Variants in CETP observed in about 807,000 individuals in gnomAD.
CETP encodes the protein BPI fold containing family F.
CETP carries 56 observed loss-of-function variants against 66.5 expected under a neutral mutation model. The observed-to-expected ratio is 0.84, with a 90% confidence interval of 0.68 to 1.05. The LOEUF (loss-of-function observed/expected upper bound fraction) is 1.05, where lower values mean the gene tolerates loss of function less well. Among genes scored for constraint, CETP ranks in the 50% least tolerant of loss-of-function variants. CETP has a pLI of 0.00. For synonymous variants in CETP, 251 were observed against 245.7 expected, an observed-to-expected ratio of 1.02 and a Z score of -0.20; for missense variants, 612 against 609.6, an observed-to-expected ratio of 1.00 and a Z score of -0.04.
intron 1 of CETP, chr16:56,962,424 A>G (rs1423947418): frequency 3.4e-6 from 2 of 595,970 alleles, no homozygotes; most frequent in Non-Finnish European, 6.4e-6. Context: ...GTCAGGGGGT[A>G]AAGATTAGGA....
At position 56,982,340 on chromosome 16, in the gene CETP, AGTCATTGATACTTAGCG is replaced by A. The variant is rs1271389944; in HGVS notation, c.1321+107_1321+123del. The A allele has an allele frequency of 2.5e-5, 28 of 1,103,742 alleles. 1 individual carries two copies. Among genetic ancestry groups the A allele is most frequent in the Admixed American group, 2.1e-4 (12 of 57,836 alleles). The allele number at this position is 1,103,742 out of a possible 1,614,324, so 68.4% of individuals were successfully genotyped here. ...CAGAGCTTCAGGTGCCCCTCTTCCCAGTCATTGATACTTAGCGGTCCTGGCCCCCTTTCCTCTCCCTG... is the reference window on the plus strand; with the variant it reads ...CAGAGCTTCAGGTGCCCCTCTTCCCAGTCCTGGCCCCCTTTCCTCTCCCTG... On this transcript the variant is annotated intron_variant, in intron 14 of 15. Transcript: ENST00000200676.
chr16:56,969,530 C>T lies in CETP; in HGVS notation c.368+10C>T. On this transcript the variant is annotated intron_variant, in intron 3 of 15. Transcript: ENST00000200676. ...ACACCACTGCCTGGTGGTAAGCATT[C>T]CTGTCAGCTGATGCCCCATGCCCTG... The T allele has an allele frequency of 6.2e-7, 1 of 1,614,224 alleles. No individual in the cohort carries two copies. Among genetic ancestry groups the T allele is most frequent in the Non-Finnish European group, 8.5e-7 (1 of 1,180,032 alleles).
At chr16:56,973,790 A>C (rs2056130626) in intron 9 of CETP, among the ~76,000 whole-genome samples, 1 of 151,930 alleles carries the variant, frequency 6.6e-6, no homozygotes, top group Non-Finnish European at 1.5e-5. Context: ...CATGGGTAAG[A>C]CTCCTGTCTC....
rs1473620249 is a variant in CETP at position 56,963,563 on chromosome 16, A to T, written c.233+439A>T. Reference sequence around the variant, plus strand: ...AGCCAGTCCCCCACCCCAAGCCTAAAATTAGTATCTTGACTTTATTTGGGA... The same window carrying T: ...AGCCAGTCCCCCACCCCAAGCCTAATATTAGTATCTTGACTTTATTTGGGA... On this transcript the variant is annotated intron_variant, in intron 2 of 15. Coordinates refer to ENST00000200676, the MANE Select transcript of CETP (RefSeq NM_000078.3). Among the ~76,000 whole-genome samples the T allele has an allele frequency of 3.9e-5, 6 of 152,152 alleles. No individual in the cohort carries two copies. The East Asian group carries it at 1.2e-3, about 29-fold the overall frequency.
Position 56,981,228 on chromosome 16 carries a change from A to G in CETP, c.1214+3A>G, listed in dbSNP as rs202237180. On this transcript the variant is annotated splice_donor_region_variant and intron_variant, in intron 12 of 15. Coordinates refer to ENST00000200676, the MANE Select transcript of CETP (RefSeq NM_000078.3). ...TTCTTAAGCCTCTTGGATTTCCAGT[A>G]TGTGCTGCAGAGAAGAGAGGGGGCG... The G allele has an allele frequency of 3.8e-4, 617 of 1,609,120 alleles. 1 individual carries two copies. The highest frequency in any genetic ancestry group is 4.8e-4 in the Non-Finnish European group (562 of 1,175,512).
chr16:56,963,155 G>T (rs1286445918), intron 2 of CETP, 31 bp downstream of exon 2: 2 of 1,572,638 alleles, frequency 1.3e-6, no homozygotes, highest in Non-Finnish European at 1.7e-6. Context: ...GACCAGGCTG[G>T]GGGTAGGGAG....
Position 56,983,349 on chromosome 16 carries a change from C to A in CETP, c.1345C>A (p.Leu449Ile), listed in dbSNP as rs1164754201. Residue 449 changes from leucine (L) to isoleucine (I), a missense_variant, in exon 15 of 16, where the codon CTC becomes ATC. Transcript: ENST00000200676. ...MSRLEVVFTA[L>I]MNSKGVSLFD... ...AGGGCTCGAGGTAGTGTTTACAGCC[C>A]TCATGAACAGCAAAGGCGTGAGCCT... 8 of 1,614,136 alleles carry A rather than the reference C, an allele frequency of 5.0e-6. No individual in the cohort carries two copies. The African/African-American group carries it at 1.1e-4, about 22-fold the overall frequency.
At chr16:56,969,351 C>G in intron 2 of CETP, 35 bp from the exon 3 acceptor site, 1 of 1,612,628 alleles carries the variant, frequency 6.2e-7, no homozygotes, top group Non-Finnish European at 8.5e-7. Context: ...CCTGGATGAC[C>G]CCCAACATCC....
In CETP at chr16:56,983,711, C is replaced by A; in HGVS notation, c.*45C>A. Reference sequence around the variant, plus strand: ...GATGGGGCTTGTAGCAGAAGGCAAGCACCAGGCTCACAGCTGGAACCCTGG... The same window carrying A: ...GATGGGGCTTGTAGCAGAAGGCAAGAACCAGGCTCACAGCTGGAACCCTGG... On this transcript the variant is annotated 3_prime_UTR_variant, in exon 16 of 16. Coordinates refer to ENST00000200676, the MANE Select transcript of CETP (RefSeq NM_000078.3). The A allele has an allele frequency of 6.4e-7, 1 of 1,562,486 alleles. No homozygotes were observed. The highest frequency in any genetic ancestry group is 8.8e-7 in the Non-Finnish European group (1 of 1,133,004).
chr16:56,981,048 C>G, intron 11 of CETP, 110 bp from the exon 12 acceptor site: 2 of 838,022 alleles, frequency 2.4e-6, no homozygotes, highest in Non-Finnish European at 4.2e-6. Flanking sequence ...CCGTGTCATC[C>G]TTGCCTCTCC....
chr16:56,972,032 C>T lies in CETP; in HGVS notation c.699C>T (p.Ser233=). The T allele has an allele frequency of 6.2e-7, 1 of 1,614,176 alleles. No homozygotes were observed. Among genetic ancestry groups the T allele is most frequent in the Non-Finnish European group, 8.5e-7 (1 of 1,180,024 alleles). Residue 233 remains serine, a synonymous_variant, in exon 8 of 16, where the codon TCC becomes TCT. Transcript: ENST00000200676. ...LSDGDIGVDI[S]LTGDPVITAS... is the part of the protein sequence containing the mutation. ...ATGGAGACATTGGGGTGGACATTTC[C>T]CTGACAGGTGATCCCGTCATCACAG...
chr16:56,982,775 T>G (rs1408228396), intron 14 of CETP, among the ~76,000 whole-genome samples: 6 of 152,192 alleles, frequency 3.9e-5, no homozygotes, highest in African/African-American at 1.4e-4. Flanking sequence ...CCACAGAGTA[T>G]GTTGAGCTGA....
At position 56,962,064 on chromosome 16, in the gene CETP, G is replaced by A. The variant is rs747564264; in HGVS notation, c.85G>A (p.Val29Met). Reference protein sequence around the residue: ...SKGTSHEAGIVCRITKPALLV... With the variant: ...SKGTSHEAGIMCRITKPALLV... ...AGGCACCTCGCACGAGGCAGGCATCGTGTGCCGCATCACCAAGCCTGCCCT... is the reference window on the plus strand; with the variant it reads ...AGGCACCTCGCACGAGGCAGGCATCATGTGCCGCATCACCAAGCCTGCCCT... Residue 29 changes from valine (V) to methionine (M), a missense_variant, in exon 1 of 16, where the codon GTG becomes ATG. By Grantham distance (21) the Val-to-Met change is conservative. Transcript: ENST00000200676. 7.4e-6 allele frequency: 12 copies of A among 1,613,982 alleles called. No homozygotes were observed. The highest frequency in any genetic ancestry group is 3.3e-5 in the Admixed American group (2 of 60,014).
rs191115961 is a variant in CETP at position 56,967,792 on chromosome 16, C to T, written c.234-1594C>T. 2.2e-3 allele frequency among the ~76,000 whole-genome samples: 340 copies of T among 152,000 alleles called. 3 individuals are homozygous for T. The highest frequency in any genetic ancestry group is 7.8e-3 in the African/African-American group (323 of 41,444). ...GTCTGGTCAACATAGTGAGACCCCC[C>T]CAATCTGCACAAAAAAGACAAAAAT... On this transcript the variant is annotated intron_variant, in intron 2 of 15. Coordinates refer to ENST00000200676, the MANE Select transcript of CETP (RefSeq NM_000078.3).
chr16:56,982,157 A>T lies in CETP; in HGVS notation c.1249-8A>T, dbSNP rs2056192900. On this transcript the variant is annotated splice_polypyrimidine_tract_variant and splice_region_variant and intron_variant, in intron 13 of 15. Transcript: ENST00000200676. Reference sequence around the variant, plus strand: ...AGGGAGGACTCACCATGGGCATTTGATTGGCAGAGCAGCTCCGAGTCCGTC... The same window carrying T: ...AGGGAGGACTCACCATGGGCATTTGTTTGGCAGAGCAGCTCCGAGTCCGTC... The T allele has an allele frequency of 6.2e-7, 1 of 1,613,974 alleles. No homozygotes were observed. Among genetic ancestry groups the T allele is most frequent in the Non-Finnish European group, 8.5e-7 (1 of 1,179,948 alleles).
intron 2 of CETP, among the ~76,000 whole-genome samples, chr16:56,966,823 C>T (rs1465532683): frequency 1.3e-5 from 2 of 151,030 alleles, no homozygotes; most frequent in Non-Finnish European, 2.9e-5. Context: ...CCATGCTGGC[C>T]AGGCTGGTCT....
intron 2 of CETP, among the ~76,000 whole-genome samples, chr16:56,965,372 C>T (rs1486039233): frequency 6.6e-6 from 1 of 152,186 alleles, no homozygotes; most frequent in Non-Finnish European, 1.5e-5. Context: ...ATTCTTCACA[C>T]TATTCTCTCT....
At chr16:56,962,381 AG>A (rs1369941541) in intron 1 of CETP, 2 of 660,188 alleles carry the variant, frequency 3.0e-6, no homozygotes, top group Middle Eastern at 2.6e-4. Flanking sequence ...GGTTCGAGTT[AG>A]GGTTCAGATC....
rs760384575 is a variant in CETP at position 56,981,661 on chromosome 16, CTG to C, written c.1231_1232del (p.Val411PhefsTer5). On this transcript the variant is annotated frameshift_variant, in exon 13 of 16. Coordinates refer to ENST00000200676, the MANE Select transcript of CETP (RefSeq NM_000078.3). LOFTEE classifies it high-confidence loss of function. ...TTTTATTTCAGGATTACACCAAAGA[CTG>C]TTTCCAACTTGACTGAGGTAGGTAG... 1 of 1,613,972 alleles carries C rather than the reference CTG, an allele frequency of 6.2e-7. No individual in the cohort carries two copies. Among genetic ancestry groups the C allele is most frequent in the Admixed American group, 1.7e-5 (1 of 60,016 alleles).
Sources: gnomAD v4.1 joint callset for allele counts (sites outside exome capture counted in the v4.1 genomes callset) on GRCh38, gnomAD v4.1.1 for gene constraint, MANE v1.5 for transcripts, NCBI Gene and HGNC (gene_info 2026-07-23, HGNC 2026-07-21) for gene names.